MIER3: variants seen among roughly 807,000 people sequenced by gnomAD.
MIER3 encodes mesoderm induction early response protein 3.
A neutral mutation model predicts 63.2 loss-of-function variants in MIER3; 9 were observed. That is an observed-to-expected ratio of 0.14 (90% CI 0.09 to 0.25). The LOEUF (loss-of-function observed/expected upper bound fraction) is 0.25. Ranked by LOEUF, MIER3 falls within the 10% of genes least tolerant of loss-of-function variation. The pLI is 1.00. For missense variants in MIER3, 512 were observed against 666.2 expected (o/e 0.77, Z 2.55); for synonymous variants, 205 against 224.9 (o/e 0.91, Z 0.79).
At chr5:56,950,174 C>G (rs915329523) in intron 2 of MIER3, among the ~76,000 whole-genome samples, 1 of 152,188 alleles carries the variant, frequency 6.6e-6, no homozygotes, top group Non-Finnish European at 1.5e-5. Context: ...AATTTTAACA[C>G]AACTCATAGA....
At chr5:56,928,655 C>T in intron 10 of MIER3, 112 bp downstream of exon 10, 1 of 433,204 alleles carries the variant, frequency 2.3e-6, no homozygotes, top group Non-Finnish European at 4.0e-6. Flanking sequence ...ATCTGAAATG[C>T]TATAAGGGAA....
At chr5:56,935,189 C>T (rs1750399078) in intron 7 of MIER3, among the ~76,000 whole-genome samples, 1 of 152,126 alleles carries the variant, frequency 6.6e-6, no homozygotes, top group Non-Finnish European at 1.5e-5. Flanking sequence ...AGGCACTGAG[C>T]ACACTGGCTA....
rs1176726228 is a variant in MIER3 at position 56,920,433 on chromosome 5, A to AAAT, written c.*2692_*2694dup. ...ATGAATTTTTGGTTTGTTCATAAGA[A>AAAT]AATAATGGGGCAAAGGAAAAAAAAA... On this transcript the variant is annotated 3_prime_UTR_variant, in exon 13 of 13. Transcript: ENST00000381199. 4.6e-5 allele frequency: 7 copies of AAAT among 152,582 alleles called. No individual in the cohort carries two copies. Among genetic ancestry groups the AAAT allele is most frequent in the African/African-American group, 1.7e-4 (7 of 41,458 alleles). The allele number at this position is 152,582 out of a possible 1,614,324, so 9.5% of individuals were successfully genotyped here.
chr5:56,932,307 A>G (rs1199362975), intron 8 of MIER3, among the ~76,000 whole-genome samples: 1 of 152,158 alleles, frequency 6.6e-6, no homozygotes, highest in Non-Finnish European at 1.5e-5. Flanking sequence ...CCTTTCTAAT[A>G]GCATTGAATA....
intron 3 of MIER3, among the ~76,000 whole-genome samples, chr5:56,942,320 G>C (rs575632826): frequency 6.6e-6 from 1 of 152,212 alleles, no homozygotes; most frequent in Non-Finnish European, 1.5e-5. Context: ...AACATGATTT[G>C]TATTTTGGAA....
At chr5:56,938,265 T>C (rs768267674) in intron 4 of MIER3, 5 of 471,074 alleles carry the variant, frequency 1.1e-5, no homozygotes, top group Non-Finnish European at 2.2e-5. Flanking sequence ...TAATATCACA[T>C]TGACTTAAAA....
chr5:56,941,722 A>G (rs1750652582), intron 3 of MIER3: 1 of 152,222 alleles, frequency 6.6e-6, no homozygotes. Flanking sequence ...AGGGAGTACC[A>G]TGGCATTATT....
chr5:56,952,001 G>A, intron 1 of MIER3, 93 bp downstream of exon 1: 1 of 1,079,334 alleles, frequency 9.3e-7, no homozygotes, highest in Non-Finnish European at 1.2e-6. Flanking sequence ...GCAGCGGAAA[G>A]AGCCCCGGAT....
At chr5:56,932,906 A>T (rs1454840357) in intron 8 of MIER3, among the ~76,000 whole-genome samples, 3 of 152,292 alleles carry the variant, frequency 2.0e-5, no homozygotes, top group South Asian at 4.1e-4. Context: ...AATTTTTTTT[A>T]AAAAGTATAG....
intron 8 of MIER3, among the ~76,000 whole-genome samples, chr5:56,931,644 A>T (rs930931839): frequency 6.6e-6 from 1 of 152,210 alleles, no homozygotes; most frequent in Non-Finnish European, 1.5e-5. Context: ...AGAACCAAGG[A>T]TCAGTATTAT....
At chr5:56,927,947 CAT>C (rs1040270013) in intron 10 of MIER3, 3 of 152,102 alleles carry the variant, frequency 2.0e-5, no homozygotes, top group African/African-American at 7.2e-5. Flanking sequence ...TTCAGAATAT[CAT>C]ATATTTGGAA....
At chr5:56,951,504 C>T (rs960187726) in intron 1 of MIER3, among the ~76,000 whole-genome samples, 17 of 152,166 alleles carry the variant, frequency 1.1e-4, no homozygotes, top group Non-Finnish European at 2.2e-4. Flanking sequence ...CCGCACCTCC[C>T]GGGCTGCGGG....
At chr5:56,943,174 T>C (rs1477257698) in intron 3 of MIER3, among the ~76,000 whole-genome samples, 1 of 151,776 alleles carries the variant, frequency 6.6e-6, no homozygotes, top group Non-Finnish European at 1.5e-5. Flanking sequence ...CCTTATAGCA[T>C]GGTGGAAGAA....
At chr5:56,942,591 G>GA (rs1750683593) in intron 3 of MIER3, among the ~76,000 whole-genome samples, 2 of 152,104 alleles carry the variant, frequency 1.3e-5, no homozygotes, top group South Asian at 4.1e-4. Context: ...GTTTGAGTGA[G>GA]AACACCCAGA....
In MIER3 at chr5:56,923,786, G is replaced by A. The variant is rs768910149; in HGVS notation, c.1100C>T (p.Thr367Met). ...LVDETEALGGTVNASALTSNR... is the reference protein window; with the variant it reads ...LVDETEALGGMVNASALTSNR... ...AGAAGTTAAGGCTGAAGCATTTACC[G>A]TCCCACCCAAAGCTTCTGTTTCATC... is the stretch of plus-strand genomic sequence containing the variant. The change falls in exon 12 of 13, where the codon ACG becomes ATG. Residue 367 changes from threonine to methionine, a missense_variant. Around this residue, in one of 5 missense-constraint regions of MIER3, gnomAD observed 218 missense variants for 251.2 expected, o/e 0.87. Coordinates refer to ENST00000381199, the MANE Select transcript of MIER3 (RefSeq NM_001297599.2). 2.2e-5 allele frequency: 36 copies of A among 1,613,970 alleles called. No individual in the cohort carries two copies. The highest frequency in any genetic ancestry group is 1.6e-4 in the Middle Eastern group (1 of 6,084).
rs761837547 is a variant in MIER3 at position 56,935,534 on chromosome 5, T to TA, written c.523-35dup. ...AAATTGAGAGGTAAAAATAACTTAT[T>TA]AAAAAAAAAATACTGAAAAAAAGCC... On this transcript the variant is annotated intron_variant, in intron 6 of 12. Coordinates refer to ENST00000381199, the MANE Select transcript of MIER3 (RefSeq NM_001297599.2). 2.9e-3 allele frequency: 4,132 copies of TA among 1,406,264 alleles called. 2 individuals carry two copies. Among genetic ancestry groups the TA allele is most frequent in the Non-Finnish European group, 3.3e-3 (3,435 of 1,039,140 alleles). The allele number at this position is 1,406,264 out of a possible 1,614,324, so 87.1% of individuals were successfully genotyped here. A position where few individuals can be genotyped will look rare whatever the true frequency, so the allele number is the denominator to read the frequency against.
At position 56,930,739 on chromosome 5, in the gene MIER3, A is replaced by G. The variant is rs1305629274; in HGVS notation, c.754T>C (p.Tyr252His). 6.2e-7 allele frequency: 1 copy of G among 1,613,042 alleles called. No individual in the cohort carries two copies. The highest frequency in any genetic ancestry group is 8.5e-7 in the Non-Finnish European group (1 of 1,179,128). The change falls in exon 9 of 13, where the codon TAT (tyrosine) becomes CAT (histidine). Residue 252 changes from tyrosine to histidine, a missense_variant. This residue lies in a region of MIER3 where 118 missense variants were observed against 133.6 expected (regional missense o/e 0.88). Coordinates refer to ENST00000381199, the MANE Select transcript of MIER3 (RefSeq NM_001297599.2). ...TTGTGGTTACACTTGAGAAGTTCAT[A>G]TAATGCCTGGGATGGATATTCAATA... ...THTRDNEQAL[Y>H]ELLKCNHNIK...
intron 1 of MIER3, 97 bp downstream of exon 1, chr5:56,951,997 G>A (rs2112165099): frequency 3.8e-6 from 4 of 1,064,740 alleles, no homozygotes; most frequent in Admixed American, 4.7e-5. Flanking sequence ...TGGGGCAGCG[G>A]AAAGAGCCCC....
At chr5:56,934,562 G>A (rs1157674286) in intron 7 of MIER3, among the ~76,000 whole-genome samples, 2 of 152,140 alleles carry the variant, frequency 1.3e-5, no homozygotes, top group African/African-American at 4.8e-5. Flanking sequence ...TGGCACATCT[G>A]AACATCATCA....
Sources: gnomAD v4.1 joint callset for allele counts (sites outside exome capture counted in the v4.1 genomes callset) on GRCh38, gnomAD v4.1.1 for gene constraint, gnomAD v4.1.1 regional missense constraint, MANE v1.5 for transcripts, NCBI Gene and HGNC (gene_info 2026-07-23, HGNC 2026-07-21) for gene names.